The following KIAA1217 variants were observed in gnomAD, a reference collection of about 807,000 sequenced individuals.
KIAA1217 encodes the protein sickle tail protein homolog.
Under a neutral mutation model 163.9 loss-of-function variants are expected in KIAA1217, and 88 were observed. The observed-to-expected ratio is 0.54, with a 90% CI of 0.45 to 0.64. The LOEUF is 0.64. Ranked by LOEUF, KIAA1217 falls within the 30% of genes least tolerant of loss-of-function variation. The pLI is 0.00. For synonymous variants in KIAA1217, 903 were observed against 923.1 expected, an observed-to-expected ratio of 0.98 and a Z score of 0.39; for missense variants, 2,372 against 2,475.0, an observed-to-expected ratio of 0.96 and a Z score of 0.88.
chr10:23,998,832 A>G (rs772495764), intron 1 of KIAA1217, among the ~76,000 whole-genome samples: 12 of 152,200 alleles, frequency 7.9e-5, no homozygotes, highest in African/African-American at 2.2e-4. Context: ...CGTATTGAGC[A>G]TGGTTACTGA....
intron 1 of KIAA1217, among the ~76,000 whole-genome samples, chr10:23,918,733 TACACACACACACAC>T (rs1554823731): frequency 2.0e-5 from 3 of 147,478 alleles, no homozygotes; most frequent in African/African-American, 7.5e-5. Context: ...ATTAAATATA[TACACACACACACAC>T]ACACACACAC....
chr10:23,781,300 G>A (rs7097627), intron 1 of KIAA1217, among the ~76,000 whole-genome samples: 4,784 of 152,126 alleles, frequency 0.031, 112 homozygotes, highest in Admixed American at 0.076. Context: ...TTTGATAATA[G>A]CCATACTAAT....
intron 2 of KIAA1217, among the ~76,000 whole-genome samples, chr10:24,364,830 C>A (rs1213892335): frequency 1.3e-5 from 2 of 151,280 alleles, no homozygotes; most frequent in Non-Finnish European, 2.9e-5. Flanking sequence ...CTCTCTGTTG[C>A]CCAAGCTGGA....
intron 2 of KIAA1217, among the ~76,000 whole-genome samples, chr10:24,187,226 A>G (rs2066478793): frequency 6.6e-6 from 1 of 152,134 alleles, no homozygotes; most frequent in Non-Finnish European, 1.5e-5. Context: ...TTGTCACAGC[A>G]TCCTGGGTCC....
At chr10:24,519,687 GA>G (rs1369747900) in intron 10 of KIAA1217, among the ~76,000 whole-genome samples, 1 of 152,130 alleles carries the variant, frequency 6.6e-6, no homozygotes, top group East Asian at 1.9e-4. Flanking sequence ...TGCTGAAGTT[GA>G]AAAGCCTGAT....
intron 1 of KIAA1217, among the ~76,000 whole-genome samples, chr10:23,933,056 G>T (rs1843323326): frequency 6.6e-6 from 1 of 152,164 alleles, no homozygotes; most frequent in Non-Finnish European, 1.5e-5. Flanking sequence ...TAGAGGCTTT[G>T]CCTTAGCATC....
chr10:24,391,137 A>G (rs867407221), intron 3 of KIAA1217, among the ~76,000 whole-genome samples: 29 of 152,106 alleles, frequency 1.9e-4, no homozygotes, highest in African/African-American at 6.0e-4. Context: ...TTCTAGGATT[A>G]CTTTGCAGAT....
At chr10:23,831,283 T>C (rs921983678) in intron 1 of KIAA1217, among the ~76,000 whole-genome samples, 8 of 149,790 alleles carry the variant, frequency 5.3e-5, no homozygotes, top group African/African-American at 2.0e-4. Flanking sequence ...GAAAAGCTTT[T>C]ACACAGAAAA....
intron 2 of KIAA1217, among the ~76,000 whole-genome samples, chr10:24,329,355 C>T (rs2045366435): frequency 6.6e-6 from 1 of 151,028 alleles, no homozygotes; most frequent in South Asian, 2.1e-4. Flanking sequence ...ATACAATATA[C>T]TTGCTGCTCA....
At chr10:23,934,576 T>C (rs1236496394) in intron 1 of KIAA1217, among the ~76,000 whole-genome samples, 14 of 61,660 alleles carry the variant, frequency 2.3e-4, no homozygotes, top group South Asian at 4.1e-4. Flanking sequence ...TATATATATA[T>C]ATATATATAT....
At chr10:24,165,278 A>G (rs1021695061) in intron 2 of KIAA1217, among the ~76,000 whole-genome samples, 1 of 152,158 alleles carries the variant, frequency 6.6e-6, no homozygotes, top group Non-Finnish European at 1.5e-5. Context: ...GTGGAAGAGT[A>G]TTGCTGGGAA....
chr10:23,790,375 ATG>A (rs1253730407), intron 1 of KIAA1217, among the ~76,000 whole-genome samples: 1 of 100,420 alleles, frequency 1.0e-5, no homozygotes, highest in Non-Finnish European at 1.9e-5. Flanking sequence ...ACATATACAT[ATG>A]TATATATACA....
intron 2 of KIAA1217, among the ~76,000 whole-genome samples, chr10:24,080,334 G>T (rs900958051): frequency 1.3e-5 from 2 of 152,132 alleles, no homozygotes; most frequent in Non-Finnish European, 2.9e-5. Context: ...GTCAGTGTTT[G>T]TCCTTGGTTT....
chr10:23,842,391 A>T (rs2131070847), intron 1 of KIAA1217, among the ~76,000 whole-genome samples: 1 of 152,298 alleles, frequency 6.6e-6, no homozygotes, highest in Middle Eastern at 3.4e-3. Context: ...GGCCAACCAC[A>T]GTCATTATAC....
chr10:23,838,363 A>T (rs1293506325), intron 1 of KIAA1217, among the ~76,000 whole-genome samples: 1 of 152,258 alleles, frequency 6.6e-6, no homozygotes. Context: ...CAAAGTAGAG[A>T]AAAATGAGTT....
At chr10:23,892,152 G>A (rs1841443994) in intron 1 of KIAA1217, among the ~76,000 whole-genome samples, 1 of 151,834 alleles carries the variant, frequency 6.6e-6, no homozygotes, top group South Asian at 2.1e-4. Flanking sequence ...TGTTTGGAAA[G>A]TAAATGTCTT....
At chr10:23,759,935 G>A (rs1172750117) in intron 1 of KIAA1217, among the ~76,000 whole-genome samples, 1 of 152,172 alleles carries the variant, frequency 6.6e-6, no homozygotes, top group Non-Finnish European at 1.5e-5. Flanking sequence ...TATAGTAAAG[G>A]GAGGAAGAAT....
chr10:23,733,169 A>C (rs907841066), intron 1 of KIAA1217, among the ~76,000 whole-genome samples: 1 of 151,986 alleles, frequency 6.6e-6, no homozygotes, highest in Non-Finnish European at 1.5e-5. Context: ...GCCCGCCACC[A>C]CACCCGGCTA....
chr10:24,022,855 T>C (rs188104885), intron 2 of KIAA1217, among the ~76,000 whole-genome samples: 2 of 151,072 alleles, frequency 1.3e-5, no homozygotes, highest in African/African-American at 4.8e-5. Flanking sequence ...TAAAAGTATA[T>C]GATAAAAGTC....
Sources: gnomAD v4.1 joint callset for allele counts (sites outside exome capture counted in the v4.1 genomes callset) on GRCh38, gnomAD v4.1.1 for gene constraint, MANE v1.5 for transcripts, NCBI Gene and HGNC (gene_info 2026-07-23, HGNC 2026-07-21) for gene names.